POLDIP3: variants seen among roughly 807,000 people sequenced by gnomAD.
POLDIP3 encodes DNA polymerase delta interacting protein 3, also known as polymerase delta-interacting protein 3.
In POLDIP3, 14 loss-of-function variants were observed where a neutral mutation model predicts 45.1. The ratio of observed to expected loss-of-function variants is 0.31; its 90% CI spans 0.20 to 0.49. The LOEUF is 0.49. Ranked by LOEUF, POLDIP3 falls within the 20% of genes least tolerant of loss-of-function variation. The pLI is 0.99. For missense variants in POLDIP3, 511 were observed against 538.8 expected, an observed-to-expected ratio of 0.95 and a Z score of 0.51; for synonymous variants, 223 against 205.2, an observed-to-expected ratio of 1.09 and a Z score of -0.74.
chr22:42,594,778 G>A (rs548146850), intron 6 of POLDIP3, among the ~76,000 whole-genome samples: 9 of 152,300 alleles, frequency 5.9e-5, no homozygotes, highest in East Asian at 5.8e-4. Flanking sequence ...TGGGTGGGAC[G>A]GGATGGACCA....
intron 1 of POLDIP3, among the ~76,000 whole-genome samples, chr22:42,605,661 G>C (rs1469980480): frequency 6.6e-6 from 1 of 152,128 alleles, no homozygotes; most frequent in Non-Finnish European, 1.5e-5. Context: ...CTGGGAGATG[G>C]AGGCACTAGA....
intron 4 of POLDIP3, among the ~76,000 whole-genome samples, chr22:42,596,913 T>G (rs1244908057): frequency 2.0e-5 from 3 of 151,972 alleles, no homozygotes; most frequent in Non-Finnish European, 4.4e-5. Context: ...TTCCTTTGTT[T>G]TCTTAATAAA....
At chr22:42,599,597 G>C (rs936734124) in intron 4 of POLDIP3, 101 bp downstream of exon 4, 1 of 865,426 alleles carries the variant, frequency 1.2e-6, no homozygotes, top group African/African-American at 1.7e-5. Context: ...AGAAGAGCGA[G>C]ATGTCGTCTC....
intron 4 of POLDIP3, among the ~76,000 whole-genome samples, chr22:42,597,469 G>A (rs148686833): frequency 1.3e-5 from 2 of 152,312 alleles, no homozygotes; most frequent in African/African-American, 2.4e-5. Flanking sequence ...AGGGCCCTGA[G>A]AGCGAGACTG....
chr22:42,584,980 G>A lies in POLDIP3; in HGVS notation c.*811C>T. 2.2e-6 allele frequency: 1 copy of A among 456,334 alleles called. No individual in the cohort carries two copies. Among genetic ancestry groups the A allele is most frequent in the Non-Finnish European group, 4.4e-6 (1 of 226,974 alleles). 28.3% of individuals were successfully genotyped at this position (456,334 alleles called of 1,614,324 possible). A position where few individuals can be genotyped will look rare whatever the true frequency, so the allele number is the denominator to read the frequency against. On this transcript the variant is annotated 3_prime_UTR_variant, in exon 9 of 9. Transcript: ENST00000252115. The stretch of plus-strand genomic sequence containing the variant: ...GCTGGCGGCTACACAAAACCAGGGT[G>A]TGGTTAAGTGCCAGGCGAGGTGAGA...
At chr22:42,597,638 T>C (rs1926076933) in intron 4 of POLDIP3, 1 of 453,272 alleles carries the variant, frequency 2.2e-6, no homozygotes, top group Non-Finnish European at 4.5e-6. Context: ...ATGGCATTTA[T>C]TCAATTAGGG....
At chr22:42,601,833 A>C (rs1039007410) in intron 3 of POLDIP3, 137 bp downstream of exon 3, 2 of 1,073,186 alleles carry the variant, frequency 1.9e-6, no homozygotes, top group Non-Finnish European at 2.6e-6. Flanking sequence ...CCTGCCTCCA[A>C]TACTACCAAC....
chr22:42,605,417 C>T (rs1926661557), intron 1 of POLDIP3, among the ~76,000 whole-genome samples: 1 of 152,238 alleles, frequency 6.6e-6, no homozygotes, highest in South Asian at 2.1e-4. Context: ...TGAGCCACTG[C>T]GCCCGGCAGT....
rs573026375 is a variant in POLDIP3 at position 42,589,601 on chromosome 22, G to A, written c.1022-2029C>T. On this transcript the variant is annotated intron_variant, in intron 7 of 8. Transcript: ENST00000252115. Reference sequence around the variant, plus strand: ...CAGGTGGACGGATCACTTGAGGTCAGGACTTCAAAACCAGCCTGGCCAACA... The same window carrying A: ...CAGGTGGACGGATCACTTGAGGTCAAGACTTCAAAACCAGCCTGGCCAACA... Among the ~76,000 whole-genome samples the A allele has an allele frequency of 2.6e-5, 4 of 152,142 alleles. No individual in the cohort carries two copies. The South Asian group carries it at 8.3e-4, about 32-fold the overall frequency.
chr22:42,585,657 G>T lies in POLDIP3; in HGVS notation c.*134C>A. On this transcript the variant is annotated 3_prime_UTR_variant, in exon 9 of 9. Transcript: ENST00000252115. ...AGAAAGGCGGGTCCCATCCAGTGAG[G>T]AAGCTCTTTATCCCTGGCAACCCTT... 9.6e-7 allele frequency: 1 copy of T among 1,041,846 alleles called. No individual in the cohort carries two copies. Among genetic ancestry groups the T allele is most frequent in the Non-Finnish European group, 1.4e-6 (1 of 704,288 alleles). 64.5% of individuals were successfully genotyped at this position (1,041,846 alleles called of 1,614,324 possible). A position where few individuals can be genotyped will look rare whatever the true frequency, so the allele number is the denominator to read the frequency against.
chr22:42,612,820 C>T (rs948817598), intron 1 of POLDIP3, among the ~76,000 whole-genome samples: 1 of 151,900 alleles, frequency 6.6e-6, no homozygotes, highest in African/African-American at 2.4e-5. Context: ...AGTGAGACTC[C>T]CTCTCAAAAA....
chr22:42,596,142 A>G (rs1311425342), intron 5 of POLDIP3, 44 bp downstream of exon 5: 1 of 1,592,566 alleles, frequency 6.3e-7, no homozygotes, highest in East Asian at 2.2e-5. Context: ...ATAAGCATAC[A>G]GCCCTCCTGA....
At chr22:42,597,193 C>A (rs1926045316) in intron 4 of POLDIP3, among the ~76,000 whole-genome samples, 1 of 152,194 alleles carries the variant, frequency 6.6e-6, no homozygotes, top group African/African-American at 2.4e-5. Flanking sequence ...ACAAAACTCC[C>A]CTGTATTAAT....
At chr22:42,610,492 C>T (rs1265656056) in intron 1 of POLDIP3, among the ~76,000 whole-genome samples, 1 of 152,202 alleles carries the variant, frequency 6.6e-6, no homozygotes, top group Non-Finnish European at 1.5e-5. Context: ...ACATTCAAGG[C>T]TGCCACACTG....
intron 7 of POLDIP3, among the ~76,000 whole-genome samples, chr22:42,590,859 G>A (rs540890153): frequency 5.7e-4 from 87 of 152,106 alleles, no homozygotes; most frequent in Non-Finnish European, 9.1e-4. Flanking sequence ...ATCACCTGAG[G>A]TCAGGAGTTT....
In POLDIP3 at chr22:42,603,030, C is replaced by A; in HGVS notation, c.190G>T (p.Asp64Tyr). 6.2e-7 allele frequency: 1 copy of A among 1,614,172 alleles called. No homozygotes were observed. The highest frequency in any genetic ancestry group is 8.5e-7 in the Non-Finnish European group (1 of 1,180,018). ...TTGACTCCCAGTTTGAGCCGGGCAT[C>A]TGAGAGGCCAATCTTCTGCCGGGCA... is the stretch of plus-strand genomic sequence containing the variant. ...FDARQKIGLS[D>Y]ARLKLGVKDA... The change falls in exon 2 of 9, where the codon GAT (aspartate) becomes TAT (tyrosine). Residue 64 changes from aspartate (D) to tyrosine (Y), a missense_variant. Asp to Tyr is a radical substitution (Grantham distance 160, BLOSUM62 -3). Coordinates refer to ENST00000252115, the MANE Select transcript of POLDIP3 (RefSeq NM_032311.5).
intron 1 of POLDIP3, among the ~76,000 whole-genome samples, chr22:42,608,256 C>CA (rs955570049): frequency 2.4e-5 from 3 of 124,588 alleles, no homozygotes; most frequent in African/African-American, 1.0e-4. Flanking sequence ...TAACCTTACC[C>CA]CCCCCCCCAA....
intron 3 of POLDIP3, 107 bp downstream of exon 3, chr22:42,601,863 A>G: frequency 1.5e-6 from 2 of 1,335,056 alleles, no homozygotes; most frequent in African/African-American, 1.5e-5. Flanking sequence ...CCAACTGAGC[A>G]AGCCTCAGTC....
At chr22:42,595,839 A>G (rs1337443894) in intron 5 of POLDIP3, among the ~76,000 whole-genome samples, 2 of 152,186 alleles carry the variant, frequency 1.3e-5, no homozygotes, top group African/African-American at 4.8e-5. Context: ...TCAGGCCCTG[A>G]GCCTCTACCT....
Sources: allele counts gnomAD v4.1 joint callset (sites outside exome capture counted in the v4.1 genomes callset), GRCh38; gene constraint gnomAD v4.1.1; transcripts MANE v1.5; gene names NCBI Gene and HGNC (gene_info 2026-07-23, HGNC 2026-07-21).